The following CFAP100 variants were observed in gnomAD, a reference collection of about 807,000 sequenced individuals.
CFAP100 encodes the protein cilia and flagella associated protein 100.
A neutral mutation model predicts 81.5 loss-of-function variants in CFAP100; 70 were observed. That is an observed-to-expected ratio of 0.86 (90% CI 0.71 to 1.05). The LOEUF is 1.05. Ranked by LOEUF, CFAP100 falls within the 50% of genes least tolerant of loss-of-function variation. The probability of loss-of-function intolerance (pLI) is 0.00; values close to 1 mark genes in which losing one functional copy is unlikely to be tolerated. For synonymous variants in CFAP100, 341 were observed against 314.8 expected, an observed-to-expected ratio of 1.08 and a Z score of -0.88; for missense variants, 811 against 776.5, an observed-to-expected ratio of 1.04 and a Z score of -0.53.
At chr3:126,432,282 C>CAAAAAAAAAAAAAAAAAAAAAAAAAA (rs58421889) in intron 13 of CFAP100, among the ~76,000 whole-genome samples, 1 of 76,742 alleles carries the variant, frequency 1.3e-5, no homozygotes, top group Non-Finnish European at 2.3e-5. Flanking sequence ...GACTCCGTCT[C>CAAAAAAAAAAAAAAAAAAAAAAAAAA]AAAAAAAAAA....
chr3:126,407,334 G>A, intron 3 of CFAP100, 82 bp downstream of exon 3: 1 of 831,774 alleles, frequency 1.2e-6, no homozygotes, highest in Non-Finnish European at 2.0e-6. Flanking sequence ...CCTCAGACCA[G>A]GTCTCTAGAG....
At chr3:126,418,859 C>A in intron 7 of CFAP100, 85 bp downstream of exon 7, 1 of 1,446,918 alleles carries the variant, frequency 6.9e-7, no homozygotes. Flanking sequence ...TATCCAGCCT[C>A]TGCCCCCAGC....
At chr3:126,401,095 T>C (rs1033817504) in intron 2 of CFAP100, among the ~76,000 whole-genome samples, 1 of 151,266 alleles carries the variant, frequency 6.6e-6, no homozygotes, top group Non-Finnish European at 1.5e-5. Context: ...AAAAGACAAA[T>C]ATTGTATGAT....
At chr3:126,430,348 A>G (rs1222730382) in intron 13 of CFAP100, among the ~76,000 whole-genome samples, 1 of 152,242 alleles carries the variant, frequency 6.6e-6, no homozygotes, top group African/African-American at 2.4e-5. Flanking sequence ...ATACTTTAAA[A>G]CAGCTAGAAG....
chr3:126,418,492 C>T lies in CFAP100; in HGVS notation c.453C>T (p.Tyr151=), dbSNP rs370163701. The change falls in exon 6 of 17, where the codon TAC becomes TAT. Residue 151 remains tyrosine, a synonymous_variant. Transcript: ENST00000352312. ...KNVEPENMSG[Y]IKQKRQMFLL... is the part of the protein sequence containing the mutation. The stretch of plus-strand genomic sequence containing the variant: ...TGGAGCCTGAGAACATGAGTGGCTA[C>T]ATTAAGCAGAAGCGGCAAATGTTCC... 1.1e-4 allele frequency: 172 copies of T among 1,614,020 alleles called. No individual in the cohort carries two copies. Among genetic ancestry groups the T allele is most frequent in the Non-Finnish European group, 1.4e-4 (165 of 1,180,050 alleles).
Position 126,395,815 on chromosome 3 carries a change from G to C in CFAP100, c.-59-127G>C, listed in dbSNP as rs1456811495. On this transcript the variant is annotated intron_variant, in intron 1 of 16. Transcript: ENST00000352312. ...TGAGAGTGGACCCTCGGGTGGGAGA[G>C]GCAGGGAGCCGGCAGGTGTCCCCAC... The C allele has an allele frequency of 8.3e-6, 5 of 600,964 alleles. No homozygotes were observed. The African/African-American group carries it at 9.3e-5, about 11-fold the overall frequency. The allele number at this position is 600,964 out of a possible 1,614,324, so 37.2% of individuals were successfully genotyped here.
At position 126,396,116 on chromosome 3, in the gene CFAP100, TCA is replaced by T. The variant is rs546897930; in HGVS notation, c.49+70_49+71del. The T allele has an allele frequency of 2.4e-4, 296 of 1,256,212 alleles. 2 individuals carry two copies. The African/African-American group carries it at 4.1e-3, about 18-fold the overall frequency. 77.8% of individuals were successfully genotyped at this position (1,256,212 alleles called of 1,614,324 possible). On this transcript the variant is annotated intron_variant, in intron 2 of 16. Coordinates refer to ENST00000352312, the MANE Select transcript of CFAP100 (RefSeq NM_182628.3). ...CAGCTTCGGAGCCTGTCCAGCTCCC[TCA>T]CAGGTTAAGGTAGCTCTAAACCAAA...
At chr3:126,435,297 A>C (rs1244971800) in intron 15 of CFAP100, among the ~76,000 whole-genome samples, 1 of 152,106 alleles carries the variant, frequency 6.6e-6, no homozygotes, top group African/African-American at 2.4e-5. Flanking sequence ...TGAACCTTAG[A>C]TTCAGCCCTT....
At chr3:126,413,221 G>C (rs1236867186) in intron 3 of CFAP100, among the ~76,000 whole-genome samples, 2 of 152,174 alleles carry the variant, frequency 1.3e-5, no homozygotes, top group African/African-American at 4.8e-5. Context: ...GCCACCCAGA[G>C]CCTTGGAGCC....
In CFAP100 at chr3:126,433,084, C is replaced by T. The variant is rs191781468; in HGVS notation, c.1302C>T (p.Asn434=). 1.2e-6 allele frequency: 2 copies of T among 1,614,096 alleles called. No individual in the cohort carries two copies. Among genetic ancestry groups the T allele is most frequent in the African/African-American group, 2.7e-5 (2 of 75,036 alleles). The part of the protein sequence containing the change: ...HTQIRMDREV[N]QLKQWVTTMM... ...CCTCTTCCAGGGACAGGGAGGTCAACCAGCTGAAGCAGTGGGTCACCACAA... is the reference window on the plus strand; with the variant it reads ...CCTCTTCCAGGGACAGGGAGGTCAATCAGCTGAAGCAGTGGGTCACCACAA... The change falls in exon 14 of 17, where the codon AAC becomes AAT. Residue 434 remains asparagine, a synonymous_variant. Coordinates refer to ENST00000352312, the MANE Select transcript of CFAP100 (RefSeq NM_182628.3).
Position 126,401,397 on chromosome 3 carries a change from T to TTATTTA in CFAP100, c.49+5351_49+5352insTTATAT, listed in dbSNP as rs2082977370. Among the ~76,000 whole-genome samples the TTATTTA allele has an allele frequency of 5.2e-5, 4 of 76,216 alleles. No individual in the cohort carries two copies. The South Asian group carries it at 1.7e-3, about 32-fold the overall frequency. 50.0% of individuals were successfully genotyped at this position (76,216 alleles called of 152,430 possible). ...ATGGCATAAAATGGCAAATCGTATT[T>TTATTTA]TATATATATATATATATATATATAT... On this transcript the variant is annotated intron_variant, in intron 2 of 16. Transcript: ENST00000352312.
chr3:126,422,984 G>A (rs961936504), intron 11 of CFAP100, among the ~76,000 whole-genome samples: 2 of 152,150 alleles, frequency 1.3e-5, no homozygotes, highest in African/African-American at 4.8e-5. Flanking sequence ...TGACCCAAGA[G>A]GAGAGCAGGT....
intron 2 of CFAP100, among the ~76,000 whole-genome samples, chr3:126,406,527 C>G (rs979149404): frequency 2.6e-5 from 4 of 152,220 alleles, no homozygotes; most frequent in African/African-American, 9.7e-5. Flanking sequence ...ATGTCTCTTT[C>G]CCTGTGGGTA....
intron 14 of CFAP100, 160 bp from the exon 15 acceptor site, chr3:126,434,016 C>G (rs1285240353): frequency 2.5e-5 from 16 of 641,070 alleles, no homozygotes; most frequent in Non-Finnish European, 3.8e-5. Flanking sequence ...CAAGAAAAGC[C>G]AGTTCCCCAA....
At chr3:126,400,746 C>T (rs566856116) in intron 2 of CFAP100, among the ~76,000 whole-genome samples, 4 of 149,310 alleles carry the variant, frequency 2.7e-5, no homozygotes, top group East Asian at 3.9e-4. Context: ...AGCGAGACTC[C>T]GTCTCAAAAA....
At chr3:126,407,048 C>T in intron 2 of CFAP100, 124 bp from the exon 3 acceptor site, 1 of 588,934 alleles carries the variant, frequency 1.7e-6, no homozygotes, top group South Asian at 2.5e-5. Context: ...CCCTCAGTCT[C>T]ACAGGGGAGG....
chr3:126,416,739 C>T (rs1178494100), intron 5 of CFAP100: 2 of 419,420 alleles, frequency 4.8e-6, no homozygotes, highest in Non-Finnish European at 8.3e-6. Flanking sequence ...TAGTTCCCCA[C>T]CTTATCCTTG....
chr3:126,428,409 A>G (rs960054121), intron 13 of CFAP100, among the ~76,000 whole-genome samples: 1 of 152,216 alleles, frequency 6.6e-6, no homozygotes, highest in Non-Finnish European at 1.5e-5. Context: ...GGCAATGAAA[A>G]TACTGTGTAT....
At chr3:126,419,578 C>T in intron 8 of CFAP100, 59 bp from the exon 9 acceptor site, 1 of 1,528,024 alleles carries the variant, frequency 6.5e-7, no homozygotes, top group Non-Finnish European at 9.0e-7. Flanking sequence ...GGCATGGGGA[C>T]CTCGCTGTGG....
Sources: gnomAD v4.1 joint callset for allele counts (sites outside exome capture counted in the v4.1 genomes callset) on GRCh38, gnomAD v4.1.1 for gene constraint, MANE v1.5 for transcripts, NCBI Gene and HGNC (gene_info 2026-07-23, HGNC 2026-07-21) for gene names.